The following PPARGC1A variants were observed in gnomAD, a reference collection of about 807,000 sequenced individuals.
The protein encoded by PPARGC1A is peroxisome proliferator-activated receptor gamma coactivator 1-alpha.
In PPARGC1A, 25 loss-of-function variants were observed where a neutral mutation model predicts 88.7. That is an observed-to-expected ratio of 0.28 (90% CI 0.21 to 0.39). The LOEUF is 0.39. Ranked by LOEUF, PPARGC1A falls within the 10% of genes least tolerant of loss-of-function variation. The probability of loss-of-function intolerance (pLI) is 1.00; values close to 1 mark genes in which losing one functional copy is unlikely to be tolerated. For missense variants in PPARGC1A, 880 were observed against 968.7 expected, an observed-to-expected ratio of 0.91 and a Z score of 1.22; for synonymous variants, 363 against 355.6, an observed-to-expected ratio of 1.02 and a Z score of -0.24.
chr4:24,390,278 G>C, the PPARGC1A span, among the ~76,000 whole-genome samples: 1 of 151,972 alleles, frequency 6.6e-6, no homozygotes, highest in African/African-American at 2.4e-5. Flanking sequence ...ATCACTATTT[G>C]AAAATACTAT....
chr4:24,063,757 A>G, the PPARGC1A span, among the ~76,000 whole-genome samples: 3 of 152,172 alleles, frequency 2.0e-5, no homozygotes, highest in Non-Finnish European at 4.4e-5. Context: ...CTGCTAATGC[A>G]TCTCGACAGT....
chr4:24,249,921 T>C, the PPARGC1A span, among the ~76,000 whole-genome samples: 1 of 152,298 alleles, frequency 6.6e-6, no homozygotes, highest in Admixed American at 6.5e-5. Flanking sequence ...AACCATAATC[T>C]ACATAGAGAA....
chr4:24,028,303 A>G, the PPARGC1A span, among the ~76,000 whole-genome samples: 14 of 152,228 alleles, frequency 9.2e-5, no homozygotes, highest in Non-Finnish European at 1.8e-4. Flanking sequence ...GAAAAACATG[A>G]CAGTTGAGAC....
chr4:23,990,531 C>G, the PPARGC1A span, among the ~76,000 whole-genome samples: 2 of 152,090 alleles, frequency 1.3e-5, no homozygotes, highest in South Asian at 2.1e-4. Context: ...ACATAAGGAA[C>G]GACATCCGTC....
chr4:24,068,398 T>C, the PPARGC1A span, among the ~76,000 whole-genome samples: 1 of 152,118 alleles, frequency 6.6e-6, no homozygotes, highest in Non-Finnish European at 1.5e-5. Context: ...TTTTTGCCAA[T>C]CATTCACTGA....
intron 5 of PPARGC1A, among the ~76,000 whole-genome samples, chr4:23,827,132 G>A (rs1048164475): frequency 2.6e-5 from 4 of 152,086 alleles, no homozygotes; most frequent in African/African-American, 7.2e-5. Context: ...ATGAGAATGC[G>A]GTCCATTTCA....
At chr4:23,944,927 G>A in the PPARGC1A span, among the ~76,000 whole-genome samples, 1 of 152,184 alleles carries the variant, frequency 6.6e-6, no homozygotes, top group Admixed American at 6.5e-5. Context: ...TTAGCAGTGT[G>A]AGAATGGACT....
At chr4:23,901,405 A>T (rs569185493), upstream of PPARGC1A, among the ~76,000 whole-genome samples, 2 of 141,882 alleles carry the variant, frequency 1.4e-5, no homozygotes, top group East Asian at 4.2e-4. Flanking sequence ...GTAGCTGGGC[A>T]TGGTGGCATG....
At chr4:24,342,749 C>G in the PPARGC1A span, among the ~76,000 whole-genome samples, 22 of 152,164 alleles carry the variant, frequency 1.4e-4, no homozygotes, top group African/African-American at 4.6e-4. Flanking sequence ...AAAAATTGGA[C>G]AGACTCTGAC....
At chr4:23,873,908 C>A (rs1057168420) in intron 2 of PPARGC1A, among the ~76,000 whole-genome samples, 3 of 152,176 alleles carry the variant, frequency 2.0e-5, no homozygotes, top group African/African-American at 7.2e-5. Flanking sequence ...AGCAGAAACA[C>A]ACCAGATTAG....
intron 2 of PPARGC1A, among the ~76,000 whole-genome samples, chr4:23,873,508 C>A (rs1474838408): frequency 6.6e-6 from 1 of 152,198 alleles, no homozygotes; most frequent in African/African-American, 2.4e-5. Context: ...ATATCAGCCA[C>A]TGTGGAAACT....
the PPARGC1A span, among the ~76,000 whole-genome samples, chr4:24,095,020 T>A: frequency 1.3e-5 from 2 of 152,122 alleles, no homozygotes; most frequent in African/African-American, 2.4e-5. Flanking sequence ...ATTCTTTTTT[T>A]AAAGTATTTT....
the PPARGC1A span, among the ~76,000 whole-genome samples, chr4:24,367,289 T>G: frequency 6.6e-6 from 1 of 152,154 alleles, no homozygotes; most frequent in Non-Finnish European, 1.5e-5. Context: ...GTACACTAAA[T>G]AGCCATAACT....
the PPARGC1A span, among the ~76,000 whole-genome samples, chr4:24,366,976 A>G: frequency 2.0e-5 from 3 of 152,182 alleles, no homozygotes; most frequent in Non-Finnish European, 2.9e-5. Flanking sequence ...TATTTTATAT[A>G]CACACTTGTG....
the PPARGC1A span, among the ~76,000 whole-genome samples, chr4:24,387,856 GAAAGAGAGAAAGGAAGAA>G: frequency 1.5e-5 from 2 of 133,978 alleles, no homozygotes; most frequent in Non-Finnish European, 3.2e-5. Context: ...GAGAAAGAGA[GAAAGAGAGAAAGGAAGAA>G]AGAGAAAGAA....
In PPARGC1A at chr4:23,795,605, T is replaced by C; in HGVS notation, c.*217A>G. The C allele has an allele frequency of 2.0e-6, 1 of 492,384 alleles. No homozygotes were observed. Among genetic ancestry groups the C allele is most frequent in the Non-Finnish European group, 3.6e-6 (1 of 277,592 alleles). 30.5% of individuals were successfully genotyped at this position (492,384 alleles called of 1,614,324 possible). On this transcript the variant is annotated 3_prime_UTR_variant, in exon 13 of 13. Coordinates refer to ENST00000264867, the MANE Select transcript of PPARGC1A (RefSeq NM_013261.5). ...ATAAACATGTGCTTACTGGATATCA[T>C]TCTGTCTCTTGCCTCTTCAGCAGCT...
intron 2 of PPARGC1A, among the ~76,000 whole-genome samples, chr4:23,838,476 AAAAAG>A (rs1273437601): frequency 2.5e-4 from 38 of 152,332 alleles, no homozygotes; most frequent in African/African-American, 8.9e-4. Context: ...GACGGTGGGG[AAAAAG>A]AAAAGAAATC....
chr4:24,155,090 C>T, the PPARGC1A span, among the ~76,000 whole-genome samples: 5 of 150,696 alleles, frequency 3.3e-5, no homozygotes, highest in Admixed American at 6.6e-5. Context: ...AATGGTTGGC[C>T]TTATGTGACT....
At chr4:24,165,067 T>C in the PPARGC1A span, among the ~76,000 whole-genome samples, 1 of 152,192 alleles carries the variant, frequency 6.6e-6, no homozygotes, top group African/African-American at 2.4e-5. Context: ...GACTCCTTTA[T>C]AACTCTCTCA....
Sources: allele counts gnomAD v4.1 joint callset (sites outside exome capture counted in the v4.1 genomes callset), GRCh38; gene constraint gnomAD v4.1.1; transcripts MANE v1.5; gene names NCBI Gene and HGNC (gene_info 2026-07-23, HGNC 2026-07-21).